Variants in NIPA1 observed in about 807,000 individuals in gnomAD.
NIPA1 encodes the protein magnesium transporter NIPA1.
Under a neutral mutation model 23.9 loss-of-function variants are expected in NIPA1, and 13 were observed. That is an observed-to-expected ratio of 0.54 (90% CI 0.35 to 0.87). The LOEUF is 0.87. Ranked by LOEUF, NIPA1 falls within the 40% of genes least tolerant of loss-of-function variation. The pLI, the probability that NIPA1 is intolerant of heterozygous loss-of-function variation, is 0.01. For missense variants in NIPA1, 362 were observed against 429.7 expected (o/e 0.84, Z 1.39); for synonymous variants, 234 against 202.9 (o/e 1.15, Z -1.30).
chr15:22,788,664 C>G (rs1332588622), intron 1 of NIPA1, among the ~76,000 whole-genome samples: 1 of 151,928 alleles, frequency 6.6e-6, no homozygotes, highest in African/African-American at 2.4e-5. Flanking sequence ...AGTTAGTTTT[C>G]TAAAAAGTTG....
At chr15:22,806,214 C>T (rs561379978) in intron 1 of NIPA1, among the ~76,000 whole-genome samples, 6 of 152,296 alleles carry the variant, frequency 3.9e-5, no homozygotes, top group African/African-American at 7.2e-5. Context: ...TGAGCCACCG[C>T]GCCCGGCCTA....
At chr15:22,803,611 T>A (rs1595636333) in intron 1 of NIPA1, among the ~76,000 whole-genome samples, 1 of 137,060 alleles carries the variant, frequency 7.3e-6, no homozygotes, top group African/African-American at 2.7e-5. Context: ...CTGGTTCAAG[T>A]GATTCTCCTG....
chr15:22,821,168 T>C (rs1171638807), intron 4 of NIPA1, among the ~76,000 whole-genome samples: 1 of 151,782 alleles, frequency 6.6e-6, no homozygotes, highest in Non-Finnish European at 1.5e-5. Context: ...GATTTCATCA[T>C]GTTAGCCAGG....
chr15:22,806,583 T>C (rs1395752180), intron 1 of NIPA1, among the ~76,000 whole-genome samples: 9 of 90,482 alleles, frequency 9.9e-5, no homozygotes, highest in Admixed American at 8.0e-4. Context: ...TGCAGATTAA[T>C]AGAGGACCGT....
intron 4 of NIPA1, among the ~76,000 whole-genome samples, chr15:22,821,551 G>A (rs890107461): frequency 4.0e-5 from 6 of 149,960 alleles, no homozygotes; most frequent in African/African-American, 1.5e-4. Context: ...TCGGTGGTCT[G>A]CATGTCCACA....
intron 1 of NIPA1, among the ~76,000 whole-genome samples, chr15:22,791,489 TTTTTTTTTTTG>T (rs1210642824): frequency 8.7e-5 from 11 of 126,270 alleles, no homozygotes; most frequent in Non-Finnish European, 1.3e-4. Context: ...TTTTTTTTTT[TTTTTTTTTTTG>T]TGAGACGGAG....
Position 22,823,891 on chromosome 15 carries a change from A to T in NIPA1, c.642A>T (p.Gln214His). The change falls in exon 5 of 5, where the codon CAA (glutamine) becomes CAT (histidine). Residue 214 changes from glutamine (Q) to histidine (H), a missense_variant. Coordinates refer to ENST00000337435, the MANE Select transcript of NIPA1 (RefSeq NM_144599.5). ...PSTKGIGLAA[Q>H]DILHNNPSSQ... Reference sequence around the variant, plus strand: ...CCAAGGGCATCGGGCTGGCGGCCCAAGACATCTTGCATAACAACCCGTCCA... The same window carrying T: ...CCAAGGGCATCGGGCTGGCGGCCCATGACATCTTGCATAACAACCCGTCCA... The T allele has an allele frequency of 1.9e-6, 3 of 1,614,200 alleles. No individual in the cohort carries two copies. Among genetic ancestry groups the T allele is most frequent in the African/African-American group, 1.3e-5 (1 of 75,072 alleles).
At chr15:22,822,366 GTCTGCACATGCC>G (rs1020206418) in intron 4 of NIPA1, among the ~76,000 whole-genome samples, 2 of 152,104 alleles carry the variant, frequency 1.3e-5, no homozygotes, top group African/African-American at 4.8e-5. Context: ...GGGGGTTGCT[GTCTGCACATGCC>G]TCTGCCCACT....
At chr15:22,796,504 A>G (rs1216787611) in intron 1 of NIPA1, among the ~76,000 whole-genome samples, 2 of 149,652 alleles carry the variant, frequency 1.3e-5, no homozygotes, top group Non-Finnish European at 3.0e-5. Context: ...GGGTCTTGTT[A>G]TGTTGATCAG....
intron 2 of NIPA1, chr15:22,811,014 A>T (rs541769258): frequency 3.5e-6 from 2 of 577,428 alleles, no homozygotes; most frequent in Non-Finnish European, 6.2e-6. Context: ...AGAGTGCAGA[A>T]GGACAAGTTA....
At chr15:22,792,302 G>C (rs1894846527) in intron 1 of NIPA1, among the ~76,000 whole-genome samples, 1 of 152,152 alleles carries the variant, frequency 6.6e-6, no homozygotes, top group African/African-American at 2.4e-5. Flanking sequence ...GGCTGCCCTG[G>C]GACAGGCTTC....
At chr15:22,814,232 C>A (rs1595642369) in intron 3 of NIPA1, 1 of 533,050 alleles carries the variant, frequency 1.9e-6, no homozygotes, top group Non-Finnish European at 3.0e-6. Context: ...TCAAAGTGTG[C>A]ATATATGTAT....
At chr15:22,804,320 A>C (rs1323565285) in intron 1 of NIPA1, among the ~76,000 whole-genome samples, 2 of 151,488 alleles carry the variant, frequency 1.3e-5, no homozygotes, top group African/African-American at 4.9e-5. Flanking sequence ...AAAGGGTTTC[A>C]CCATCTTGGC....
At position 22,826,007 on chromosome 15, in the gene NIPA1, G is replaced by T. The variant is rs1015321157; in HGVS notation, c.*1768G>T. 3 of 152,308 alleles carry T rather than the reference G, an allele frequency of 2.0e-5. No individual in the cohort carries two copies. The highest frequency in any genetic ancestry group is 6.5e-5 in the Admixed American group (1 of 15,284). 9.4% of individuals were successfully genotyped at this position (152,308 alleles called of 1,614,324 possible). A position where few individuals can be genotyped will look rare whatever the true frequency, so the allele number is the denominator to read the frequency against. ...GGAACTACGCCAAGTTGAAAGATGGGGTTGGGTAAAGTAGATTAGGTGAAG... is the reference window on the plus strand; with the variant it reads ...GGAACTACGCCAAGTTGAAAGATGGTGTTGGGTAAAGTAGATTAGGTGAAG... On this transcript the variant is annotated 3_prime_UTR_variant, in exon 5 of 5. Coordinates refer to ENST00000337435, the MANE Select transcript of NIPA1 (RefSeq NM_144599.5).
At position 22,824,026 on chromosome 15, in the gene NIPA1, G is replaced by T; in HGVS notation, c.777G>T (p.Val259=). The T allele has an allele frequency of 6.2e-7, 1 of 1,614,162 alleles. No homozygotes were observed. Among genetic ancestry groups the T allele is most frequent in the Non-Finnish European group, 8.5e-7 (1 of 1,179,998 alleles). The change falls in exon 5 of 5, where the codon GTG becomes GTT. Residue 259 remains valine (V), a synonymous_variant. Coordinates refer to ENST00000337435, the MANE Select transcript of NIPA1 (RefSeq NM_144599.5). The surrounding 1 kb of genome is among the most constrained non-coding windows in gnomAD (Gnocchi z 4.1). ...CGCTGGAGTGCTTCGACTCCTCGGT[G>T]TTCGGGGCCATCTACTACGTCGTGT... ...NKALECFDSS[V]FGAIYYVVFT...
At chr15:22,823,215 ATT>A (rs111286012) in intron 4 of NIPA1, among the ~76,000 whole-genome samples, 9 of 108,014 alleles carry the variant, frequency 8.3e-5, no homozygotes, top group East Asian at 2.7e-4. Flanking sequence ...CCTTCTGTAA[ATT>A]TTTTTTTTTT....
chr15:22,821,628 C>T (rs1895542366), intron 4 of NIPA1, among the ~76,000 whole-genome samples: 1 of 123,300 alleles, frequency 8.1e-6, no homozygotes, highest in African/African-American at 3.0e-5. Flanking sequence ...CATGTCCACA[C>T]CCTGGTTTGC....
chr15:22,821,892 T>A (rs1895547509), intron 4 of NIPA1, among the ~76,000 whole-genome samples: 1 of 152,222 alleles, frequency 6.6e-6, no homozygotes, highest in Admixed American at 6.5e-5. Context: ...ATCAATTTAA[T>A]GCCCTAACTG....
intron 4 of NIPA1, among the ~76,000 whole-genome samples, chr15:22,823,362 G>A (rs944063208): frequency 1.3e-5 from 2 of 151,814 alleles, no homozygotes; most frequent in Middle Eastern, 3.4e-3. Flanking sequence ...TTACAGGCGC[G>A]CTGTAATTTT....
Sources: allele counts gnomAD v4.1 joint callset (sites outside exome capture counted in the v4.1 genomes callset), GRCh38; gene constraint gnomAD v4.1.1; non-coding constraint Gnocchi (gnomAD v3.1); transcripts MANE v1.5; gene names NCBI Gene and HGNC (gene_info 2026-07-23, HGNC 2026-07-21).